The following HHIPL1 variants were observed in gnomAD, a reference collection of about 807,000 sequenced individuals.
HHIPL1 encodes the protein HHIP like 1.
HHIPL1 carries 43 observed loss-of-function variants against 61.8 expected under a neutral mutation model. The ratio of observed to expected loss-of-function variants is 0.70; its 90% CI spans 0.55 to 0.90. HHIPL1 has a LOEUF of 0.90. HHIPL1 is among the 40% of genes least tolerant of loss of function. The probability of loss-of-function intolerance (pLI) is 0.00; values close to 1 mark genes in which losing one functional copy is unlikely to be tolerated. For missense variants in HHIPL1, 1,056 were observed against 1,157.7 expected, an observed-to-expected ratio of 0.91 and a Z score of 1.28; for synonymous variants, 482 against 515.8, an observed-to-expected ratio of 0.93 and a Z score of 0.89.
the HHIPL1 span, among the ~76,000 whole-genome samples, chr14:99,637,324 G>A: frequency 2.0e-5 from 3 of 152,138 alleles, no homozygotes; most frequent in African/African-American, 7.2e-5. Context: ...CACTTTGGGA[G>A]GCCGAGGCAG....
At chr14:99,622,603 C>T in the HHIPL1 span, among the ~76,000 whole-genome samples, 1 of 152,206 alleles carries the variant, frequency 6.6e-6, no homozygotes, top group Non-Finnish European at 1.5e-5. Context: ...TCCCACCAAA[C>T]CCCAGGGTCC....
chr14:99,627,239 C>T, the HHIPL1 span, among the ~76,000 whole-genome samples: 2 of 147,278 alleles, frequency 1.4e-5, no homozygotes, highest in African/African-American at 5.1e-5. This position sits in a 1 kb window ranked among gnomAD's most constrained non-coding sequence, Gnocchi z 4.4. Flanking sequence ...CATCCATCCA[C>T]TCACCCACCT....
intron 6 of HHIPL1, among the ~76,000 whole-genome samples, chr14:99,666,549 T>C (rs1029349313): frequency 1.3e-5 from 2 of 152,210 alleles, no homozygotes; most frequent in African/African-American, 4.8e-5. Flanking sequence ...GCCTGGCCCC[T>C]GGACACCTCC....
chr14:99,658,764 C>G (rs1443345822), intron 3 of HHIPL1, among the ~76,000 whole-genome samples: 3 of 151,860 alleles, frequency 2.0e-5, no homozygotes, highest in African/African-American at 7.3e-5. Flanking sequence ...CTCCCCCTCT[C>G]CCCACCAACC....
At chr14:99,619,004 G>C in the HHIPL1 span, among the ~76,000 whole-genome samples, 37 of 152,176 alleles carry the variant, frequency 2.4e-4, no homozygotes, top group African/African-American at 6.3e-4. Context: ...AGCCTGTGTA[G>C]CCTGGGGACT....
the HHIPL1 span, among the ~76,000 whole-genome samples, chr14:99,607,916 T>C: frequency 6.6e-6 from 1 of 152,094 alleles, no homozygotes; most frequent in African/African-American, 2.4e-5. Flanking sequence ...CACATTTAAA[T>C]GGGAATATAT....
intron 2 of HHIPL1, among the ~76,000 whole-genome samples, chr14:99,656,330 C>T (rs1384356176): frequency 1.3e-5 from 2 of 152,122 alleles, no homozygotes; most frequent in African/African-American, 4.8e-5. Context: ...AGTTCTAATC[C>T]CAGCTCTGCT....
rs1190087541 is a variant in HHIPL1 at position 99,657,063 on chromosome 14, T to C, written c.966T>C (p.Asp322=). 20 of 1,613,752 alleles carry C rather than the reference T, an allele frequency of 1.2e-5. No individual in the cohort carries two copies. The East Asian group carries it at 1.6e-4, about 13-fold the overall frequency. ...ACGGGGGCCAGCTGCTTTTCGGGGA[T>C]GACGGGTACCTCTACATCTTCACTG... ...NHNGGQLLFG[D]DGYLYIFTGD... is the part of the protein sequence containing the mutation. The change falls in exon 3 of 9, where the codon GAT becomes GAC. Residue 322 remains aspartate, a synonymous_variant. Transcript: ENST00000330710.
the HHIPL1 span, among the ~76,000 whole-genome samples, chr14:99,636,560 T>G: frequency 6.6e-6 from 1 of 152,168 alleles, no homozygotes; most frequent in Non-Finnish European, 1.5e-5. Flanking sequence ...TTTGGTGACT[T>G]GCAAGATCTA....
the HHIPL1 span, among the ~76,000 whole-genome samples, chr14:99,628,263 C>A: frequency 6.6e-6 from 1 of 152,136 alleles, no homozygotes; most frequent in African/African-American, 2.4e-5. Flanking sequence ...GCAGTCTCTT[C>A]CTTTCTGTCC....
chr14:99,642,906 T>C (rs2055771524), upstream of HHIPL1, among the ~76,000 whole-genome samples: 1 of 152,170 alleles, frequency 6.6e-6, no homozygotes, highest in African/African-American at 2.4e-5. Context: ...TATTCAGAGA[T>C]GTTTGGTCTT....
chr14:99,652,899 G>A, intron 2 of HHIPL1, 29 bp downstream of exon 2: 1 of 1,599,370 alleles, frequency 6.3e-7, no homozygotes, highest in African/African-American at 1.3e-5. Flanking sequence ...CCGGGCCTGG[G>A]TGGGGGCAGG....
chr14:99,651,787 A>C (rs2055934713), intron 1 of HHIPL1, among the ~76,000 whole-genome samples: 1 of 152,160 alleles, frequency 6.6e-6, no homozygotes, highest in Non-Finnish European at 1.5e-5. Flanking sequence ...CTGTTTTTCA[A>C]CAGATAGAGG....
chr14:99,610,315 C>T, the HHIPL1 span, among the ~76,000 whole-genome samples: 19 of 152,322 alleles, frequency 1.2e-4, no homozygotes, highest in Non-Finnish European at 2.2e-4. Context: ...AGCCCACCAC[C>T]CAGACTAAAG....
At chr14:99,621,546 G>A in the HHIPL1 span, among the ~76,000 whole-genome samples, 1 of 152,088 alleles carries the variant, frequency 6.6e-6, no homozygotes, top group Non-Finnish European at 1.5e-5. Flanking sequence ...CCCCATCCTG[G>A]TGCAGGGGCA....
Position 99,660,121 on chromosome 14 carries a change from T to C in HHIPL1, c.1376-159T>C, listed in dbSNP as rs2056125245. On this transcript the variant is annotated intron_variant, in intron 4 of 8. Transcript: ENST00000330710. This position sits in a 1 kb window ranked among gnomAD's most constrained non-coding sequence, Gnocchi z 4.9. ...ACCTGGCACCCCTGCAGACACGCTT[T>C]CCACCACGCCAGCCCTGCTGTGGGC... 6.8e-6 allele frequency among the ~76,000 whole-genome samples: 1 copy of C among 147,850 alleles called. No individual in the cohort carries two copies. Among genetic ancestry groups the C allele is most frequent in the African/African-American group, 2.6e-5 (1 of 38,444 alleles).
chr14:99,660,761 C>T lies in HHIPL1; in HGVS notation c.1502+355C>T, dbSNP rs538114496. ...CAGGAGGGCAGAATATGAACAATTT[C>T]CTGGACACTCAGGGCCACCCTGCTC... On this transcript the variant is annotated intron_variant, in intron 5 of 8. Coordinates refer to ENST00000330710, the MANE Select transcript of HHIPL1 (RefSeq NM_001127258.3). The surrounding 1 kb of genome is among the most constrained non-coding windows in gnomAD (Gnocchi z 4.9). Among the ~76,000 whole-genome samples, 26 of 152,206 alleles carry T rather than the reference C, an allele frequency of 1.7e-4. No homozygotes were observed. Among genetic ancestry groups the T allele is most frequent in the Non-Finnish European group, 3.4e-4 (23 of 68,032 alleles).
chr14:99,626,592 C>T, the HHIPL1 span, among the ~76,000 whole-genome samples: 2 of 152,218 alleles, frequency 1.3e-5, no homozygotes, highest in African/African-American at 4.8e-5. Context: ...GCCCAGACTG[C>T]AGTTTGCCTG....
the HHIPL1 span, among the ~76,000 whole-genome samples, chr14:99,630,703 C>T: frequency 5.9e-5 from 9 of 151,950 alleles, no homozygotes; most frequent in Non-Finnish European, 1.2e-4. Context: ...GTCACACAGA[C>T]TCTGTTAGTT....
Sources: gnomAD v4.1 joint callset for allele counts (sites outside exome capture counted in the v4.1 genomes callset) on GRCh38, gnomAD v4.1.1 for gene constraint, Gnocchi (gnomAD v3.1) non-coding constraint, MANE v1.5 for transcripts, NCBI Gene and HGNC (gene_info 2026-07-23, HGNC 2026-07-21) for gene names.